YJEFN3: variants seen among roughly 807,000 people sequenced by gnomAD.
YJEFN3 encodes YjeF N-terminal domain containing 3, also known as yjeF N-terminal domain-containing protein 3.
In YJEFN3, 29 loss-of-function variants were observed where a neutral mutation model predicts 31.5. The observed-to-expected ratio is 0.92, with a 90% CI of 0.69 to 1.26. The LOEUF is 1.26. Ranked by LOEUF, YJEFN3 falls within the 50% of genes most tolerant of loss-of-function variation. The pLI is 0.00. For missense variants in YJEFN3, 442 were observed against 425.4 expected, an observed-to-expected ratio of 1.04 and a Z score of -0.34; for synonymous variants, 227 against 196.1, an observed-to-expected ratio of 1.16 and a Z score of -1.32.
Position 19,529,281 on chromosome 19 carries a change from C to A in YJEFN3, c.60-83C>A, listed in dbSNP as rs995684042. Reference sequence around the variant, plus strand: ...AAACTGCCTCCGGGGCAGCCCGCCCCTCATGAATGATTCATCAGCAGCGCT... The same window carrying A: ...AAACTGCCTCCGGGGCAGCCCGCCCATCATGAATGATTCATCAGCAGCGCT... On this transcript the variant is annotated intron_variant, in intron 1 of 6. Transcript: ENST00000514277. The A allele has an allele frequency of 3.3e-6, 5 of 1,506,150 alleles. No individual in the cohort carries two copies. The African/African-American group carries it at 7.0e-5, about 21-fold the overall frequency. The allele number at this position is 1,506,150 out of a possible 1,614,324, so 93.3% of individuals were successfully genotyped here.
chr19:19,531,162 G>T (rs1186294675), intron 2 of YJEFN3, among the ~76,000 whole-genome samples: 2 of 152,188 alleles, frequency 1.3e-5, no homozygotes, highest in Non-Finnish European at 2.9e-5. Flanking sequence ...TGCAAAATTG[G>T]CCAGAGGGCA....
At position 19,533,070 on chromosome 19, in the gene YJEFN3, G is replaced by A. The variant is rs1158100799; in HGVS notation, c.318+330G>A. 2.7e-6 allele frequency: 3 copies of A among 1,125,584 alleles called. No individual in the cohort carries two copies. In the East Asian group the frequency reaches 1.5e-4, roughly 57 times the overall value. The allele number at this position is 1,125,584 out of a possible 1,614,324, so 69.7% of individuals were successfully genotyped here. A position where few individuals can be genotyped will look rare whatever the true frequency, so the allele number is the denominator to read the frequency against. ...GGGCACCAGGGACATCTGCTCCTGC[G>A]ATCTGAACACCCCTAAACAACCCTG... On this transcript the variant is annotated intron_variant, in intron 3 of 6. Coordinates refer to ENST00000514277, the MANE Select transcript of YJEFN3 (RefSeq NM_198537.4).
chr19:19,537,179 G>C (rs1370448109), intron 6 of YJEFN3, 140 bp from the exon 7 acceptor site: 2 of 738,344 alleles, frequency 2.7e-6, no homozygotes, highest in Non-Finnish European at 4.3e-6. Flanking sequence ...GGGAAGTGGG[G>C]GTGGGGCAGC....
Position 19,537,388 on chromosome 19 carries a change from C to A in YJEFN3, c.764C>A (p.Ala255Glu). ...LRPDVLVSLA[A>E]PKRCAGRFSG... ...CCTGACGTGCTGGTGTCTCTCGCGG[C>A]GCCCAAGCGCTGCGCTGGCCGCTTC... Residue 255 changes from alanine to glutamate, a missense_variant, in exon 7 of 7, where the codon GCG (alanine) becomes GAG (glutamate). Physicochemically the swap from Ala to Glu is moderately radical, Grantham distance 107. Transcript: ENST00000514277. 1 of 1,593,266 alleles carries A rather than the reference C, an allele frequency of 6.3e-7. No homozygotes were observed. Among genetic ancestry groups the A allele is most frequent in the Non-Finnish European group, 8.5e-7 (1 of 1,176,080 alleles).
At chr19:19,533,296 A>T (rs1327638312) in intron 3 of YJEFN3, 2 of 985,758 alleles carry the variant, frequency 2.0e-6, no homozygotes, top group Admixed American at 6.1e-5. Flanking sequence ...AGTGCTGGGC[A>T]TCAGTTTCCT....
intron 6 of YJEFN3, 61 bp from the exon 7 acceptor site, chr19:19,537,258 C>T: frequency 2.1e-6 from 3 of 1,457,976 alleles, no homozygotes; most frequent in Non-Finnish European, 2.8e-6. Context: ...ACAGGATGGA[C>T]TCTAGGCTGA....
In YJEFN3 at chr19:19,537,510, G is replaced by T; in HGVS notation, c.886G>T (p.Val296Phe). The change falls in exon 7 of 7, where the codon GTC becomes TTC. Residue 296 changes from valine to phenylalanine, a missense_variant. Val to Phe is a conservative substitution (Grantham distance 50). Coordinates refer to ENST00000514277, the MANE Select transcript of YJEFN3 (RefSeq NM_198537.4). Reference protein sequence around the residue: ...RLPGYTGTDCVAAL With the variant: ...RLPGYTGTDCFAAL ...GCCGGGATACACGGGCACCGACTGC[G>T]TCGCGGCACTGTGACCGCCACCCGC... 1 of 1,562,910 alleles carries T rather than the reference G, an allele frequency of 6.4e-7. No homozygotes were observed. The highest frequency in any genetic ancestry group is 8.6e-7 in the Non-Finnish European group (1 of 1,156,150).
intron 2 of YJEFN3, 121 bp from the exon 3 acceptor site, chr19:19,532,511 G>C: frequency 6.9e-6 from 4 of 581,152 alleles, no homozygotes; most frequent in South Asian, 2.4e-5. Context: ...ACGCTACTCG[G>C]GGGTACGGGG....
At chr19:19,533,294 G>T in intron 3 of YJEFN3, 1 of 985,874 alleles carries the variant, frequency 1.0e-6, no homozygotes, top group Non-Finnish European at 1.2e-6. Context: ...GCAGTGCTGG[G>T]CATCAGTTTC....
intron 4 of YJEFN3, 72 bp from the exon 5 acceptor site, chr19:19,535,265 G>A (rs2061196604): frequency 6.5e-7 from 1 of 1,537,586 alleles, no homozygotes; most frequent in Non-Finnish European, 8.9e-7. Context: ...TATGCCCAGT[G>A]CTTGTCCCAG....
chr19:19,534,029 G>A lies in YJEFN3; in HGVS notation c.319-1005G>A. On this transcript the variant is annotated intron_variant, in intron 3 of 6. Transcript: ENST00000514277. This position sits in a 1 kb window ranked among gnomAD's most constrained non-coding sequence, Gnocchi z 4.6. ...TGGTTGGAGCTTAAAGTACAGCTGGGGCTCAAGAGACACCCAGAGTGCCTG... is the reference window on the plus strand; with the variant it reads ...TGGTTGGAGCTTAAAGTACAGCTGGAGCTCAAGAGACACCCAGAGTGCCTG... The A allele has an allele frequency of 1.0e-6, 1 of 985,638 alleles. No individual in the cohort carries two copies. The highest frequency in any genetic ancestry group is 1.2e-6 in the Non-Finnish European group (1 of 830,088). 61.1% of individuals were successfully genotyped at this position (985,638 alleles called of 1,614,324 possible). A position where few individuals can be genotyped will look rare whatever the true frequency, so the allele number is the denominator to read the frequency against.
chr19:19,529,458 T>G lies in YJEFN3; in HGVS notation c.154T>G (p.Trp52Gly). ...TSLVQRRKQA[W>G]GRQSWLEQIW... Reference sequence around the variant, plus strand: ...CCTTGTCCAGAGGAGGAAACAGGCCTGGGGAAGGCAGTCATGGCTAGAGCA... The same window carrying G: ...CCTTGTCCAGAGGAGGAAACAGGCCGGGGGAAGGCAGTCATGGCTAGAGCA... The change falls in exon 2 of 7, where the codon TGG becomes GGG. Residue 52 changes from tryptophan (W) to glycine (G), a missense_variant. Trp to Gly is a radical substitution (Grantham distance 184). Coordinates refer to ENST00000514277, the MANE Select transcript of YJEFN3 (RefSeq NM_198537.4). 1 of 1,614,150 alleles carries G rather than the reference T, an allele frequency of 6.2e-7. No individual in the cohort carries two copies. Among genetic ancestry groups the G allele is most frequent in the Admixed American group, 1.7e-5 (1 of 60,026 alleles).
chr19:19,537,575 C>G lies in YJEFN3; in HGVS notation c.*51C>G. The G allele has an allele frequency of 6.9e-7, 1 of 1,458,844 alleles. No individual in the cohort carries two copies. The highest frequency in any genetic ancestry group is 1.3e-5 in the South Asian group (1 of 74,644). 90.4% of individuals were successfully genotyped at this position (1,458,844 alleles called of 1,614,324 possible). A position where few individuals can be genotyped will look rare whatever the true frequency, so the allele number is the denominator to read the frequency against. ...GACCCTCGCCAATAAACAGCCCTCC[C>G]ACCACCGCCGCCTCGCCTCCGCCTC... On this transcript the variant is annotated 3_prime_UTR_variant, in exon 7 of 7. Coordinates refer to ENST00000514277, the MANE Select transcript of YJEFN3 (RefSeq NM_198537.4).
chr19:19,536,090 C>T (rs2061206687), intron 6 of YJEFN3: 1 of 467,780 alleles, frequency 2.1e-6, no homozygotes, highest in Non-Finnish European at 3.8e-6. Flanking sequence ...GGGGGATGTC[C>T]CCTGGCTCTC....
intron 2 of YJEFN3, among the ~76,000 whole-genome samples, chr19:19,531,825 G>A (rs930456456): frequency 4.5e-5 from 6 of 133,378 alleles, no homozygotes; most frequent in South Asian, 2.6e-4. Flanking sequence ...TCTGCCACCC[G>A]GGTTCAAGCG....
intron 3 of YJEFN3, chr19:19,533,108 G>A: frequency 3.9e-6 from 4 of 1,034,360 alleles, no homozygotes; most frequent in Non-Finnish European, 4.6e-6. Flanking sequence ...CTGCAGGTGG[G>A]GAAACTGAAG....
In YJEFN3 at chr19:19,535,321, C is replaced by T. The variant is rs2061197306; in HGVS notation, c.430-16C>T. 6.2e-7 allele frequency: 1 copy of T among 1,611,202 alleles called. No individual in the cohort carries two copies. The highest frequency in any genetic ancestry group is 1.1e-5 in the South Asian group (1 of 90,832). ...CCAGGTCAGGGGAGTCTGACCCCCT[C>T]TTCTCCCACCCCCAGGAGTATGAAC... On this transcript the variant is annotated splice_polypyrimidine_tract_variant and intron_variant, in intron 4 of 6. Transcript: ENST00000514277.
intron 1 of YJEFN3, 83 bp from the exon 2 acceptor site, chr19:19,529,281 C>T (rs995684042): frequency 2.0e-6 from 3 of 1,506,272 alleles, no homozygotes; most frequent in East Asian, 2.4e-5. Context: ...CAGCCCGCCC[C>T]TCATGAATGA....
rs200631877 is a variant in YJEFN3, at chr19:19,537,496, C to G, written c.872C>G (p.Thr291Arg). Residue 291 changes from threonine (T) to arginine (R), a missense_variant, in exon 7 of 7, where the codon ACG becomes AGG. By Grantham distance (71) the Thr-to-Arg change is moderately conservative. Transcript: ENST00000514277. ...TTCGCTCTGCGCCTGCCGGGATACA[C>G]GGGCACCGACTGCGTCGCGGCACTG... ...RKFALRLPGY[T>R]GTDCVAAL 4.6e-5 allele frequency: 72 copies of G among 1,569,700 alleles called. No homozygotes were observed. The African/African-American group carries it at 7.9e-4, about 17-fold the overall frequency.
Sources: gnomAD v4.1 joint callset for allele counts (sites outside exome capture counted in the v4.1 genomes callset) on GRCh38, gnomAD v4.1.1 for gene constraint, Gnocchi (gnomAD v3.1) non-coding constraint, MANE v1.5 for transcripts, NCBI Gene and HGNC (gene_info 2026-07-23, HGNC 2026-07-21) for gene names.